The following CADM2 variants were observed in gnomAD, a reference collection of about 807,000 sequenced individuals.
The protein encoded by CADM2 is immunoglobulin superfamily member 4D.
CADM2 carries 12 observed loss-of-function variants against 49.8 expected under a neutral mutation model. The ratio of observed to expected loss-of-function variants is 0.24; its 90% CI spans 0.15 to 0.39. The LOEUF (loss-of-function observed/expected upper bound fraction) is 0.39. Ranked by LOEUF, CADM2 falls within the 10% of genes least tolerant of loss-of-function variation. The probability of loss-of-function intolerance (pLI) is 1.00; values close to 1 mark genes in which losing one functional copy is unlikely to be tolerated. For synonymous variants in CADM2, 214 were observed against 175.4 expected (o/e 1.22, Z -1.74); for missense variants, 378 against 492.3 (o/e 0.77, Z 2.20).
At chr3:85,697,097 GC>G (rs1436788644) in intron 1 of CADM2, among the ~76,000 whole-genome samples, 1 of 122,596 alleles carries the variant, frequency 8.2e-6, no homozygotes, top group South Asian at 2.5e-4. Context: ...ATATATATAT[GC>G]CATATATATA....
intron 1 of CADM2, among the ~76,000 whole-genome samples, chr3:85,269,040 C>A (rs1217629304): frequency 6.6e-6 from 1 of 151,068 alleles, no homozygotes; most frequent in African/African-American, 2.4e-5. Flanking sequence ...AGGACCTCAA[C>A]CTTAATAAAT....
At chr3:85,776,364 C>G (rs999985007) in intron 2 of CADM2, among the ~76,000 whole-genome samples, 3 of 150,826 alleles carry the variant, frequency 2.0e-5, no homozygotes, top group East Asian at 3.9e-4. Context: ...CACACACACA[C>G]AGAGTGAAAG....
At chr3:85,889,717 T>A (rs765746881) in intron 5 of CADM2, among the ~76,000 whole-genome samples, 34 of 152,142 alleles carry the variant, frequency 2.2e-4, no homozygotes, top group Non-Finnish European at 4.7e-4. Context: ...ATTATCATTA[T>A]CATTGTAATT....
At chr3:85,546,717 T>G (rs542470695) in intron 1 of CADM2, among the ~76,000 whole-genome samples, 2 of 152,254 alleles carry the variant, frequency 1.3e-5, no homozygotes, top group Admixed American at 6.5e-5. Flanking sequence ...GTGATTTCCC[T>G]GCTAATATCT....
At chr3:85,872,419 AT>A (rs1293239803) in intron 3 of CADM2, among the ~76,000 whole-genome samples, 2 of 152,014 alleles carry the variant, frequency 1.3e-5, no homozygotes, top group African/African-American at 2.4e-5. Flanking sequence ...CATGTGTCTA[AT>A]TTGATGTATA....
At chr3:85,042,772 GTAT>G (rs1214568678) in intron 1 of CADM2, among the ~76,000 whole-genome samples, 1 of 152,094 alleles carries the variant, frequency 6.6e-6, no homozygotes, top group African/African-American at 2.4e-5. Flanking sequence ...TGTAAGAAAG[GTAT>G]TATAAAATGG....
intron 1 of CADM2, among the ~76,000 whole-genome samples, chr3:85,496,042 T>C (rs1449000605): frequency 6.6e-6 from 1 of 152,184 alleles, no homozygotes; most frequent in Non-Finnish European, 1.5e-5. Context: ...AAAATCTAAA[T>C]TTCTTTAAAT....
Position 86,067,112 on chromosome 3 carries a change from G to A in CADM2, c.*329G>A, listed in dbSNP as rs1207601115. 9.9e-6 allele frequency: 2 copies of A among 202,254 alleles called. No individual in the cohort carries two copies. Among genetic ancestry groups the A allele is most frequent in the East Asian group, 2.5e-4 (2 of 7,912 alleles). 12.5% of individuals were successfully genotyped at this position (202,254 alleles called of 1,614,324 possible). On this transcript the variant is annotated 3_prime_UTR_variant, in exon 10 of 10. Coordinates refer to ENST00000383699, the MANE Select transcript of CADM2 (RefSeq NM_001167675.2). ...GGTTTTTATACATTAAAAAATGTAT[G>A]CAGAGTTTTTTTCCCCCATTTTTTC... is the stretch of plus-strand genomic sequence containing the variant.
chr3:85,187,394 G>A (rs2041090060), intron 1 of CADM2, among the ~76,000 whole-genome samples: 1 of 151,806 alleles, frequency 6.6e-6, no homozygotes, highest in South Asian at 2.1e-4. Flanking sequence ...ATATTCTTGC[G>A]AGTCCTCTGA....
At chr3:85,037,332 G>C (rs534175316) in intron 1 of CADM2, among the ~76,000 whole-genome samples, 18 of 152,150 alleles carry the variant, frequency 1.2e-4, no homozygotes, top group Non-Finnish European at 2.4e-4. Context: ...TTATGCAGTG[G>C]ACATGTAGAT....
At chr3:85,206,810 A>C (rs1349127200) in intron 1 of CADM2, among the ~76,000 whole-genome samples, 1 of 152,070 alleles carries the variant, frequency 6.6e-6, no homozygotes, top group Non-Finnish European at 1.5e-5. Context: ...TTATTAATTT[A>C]CAAACTTAAA....
chr3:85,670,556 C>T (rs1257899647), intron 1 of CADM2, among the ~76,000 whole-genome samples: 1 of 152,060 alleles, frequency 6.6e-6, no homozygotes, highest in Admixed American at 6.6e-5. Context: ...CATAACTCAG[C>T]TTAGATCTAA....
intron 1 of CADM2, among the ~76,000 whole-genome samples, chr3:85,070,174 A>G (rs1469640708): frequency 6.6e-6 from 1 of 152,144 alleles, no homozygotes; most frequent in Non-Finnish European, 1.5e-5. Context: ...GATTTTATCT[A>G]CTGGCACTTT....
intron 1 of CADM2, among the ~76,000 whole-genome samples, chr3:84,968,025 G>A (rs1287066644): frequency 6.6e-6 from 1 of 151,970 alleles, no homozygotes; most frequent in African/African-American, 2.4e-5. Context: ...TTTCTAATAC[G>A]AAATCAGTTC....
intron 1 of CADM2, among the ~76,000 whole-genome samples, chr3:85,294,330 G>T (rs2043892291): frequency 6.6e-6 from 1 of 152,062 alleles, no homozygotes; most frequent in Non-Finnish European, 1.5e-5. Flanking sequence ...CTCATAGGTA[G>T]GAAGAATCAA....
At chr3:85,966,360 C>A (rs892338199) in intron 8 of CADM2, among the ~76,000 whole-genome samples, 1 of 151,408 alleles carries the variant, frequency 6.6e-6, no homozygotes, top group African/African-American at 2.4e-5. Context: ...GTAATATTCC[C>A]CTTTCCTTTT....
At chr3:85,555,561 G>T (rs980089343) in intron 1 of CADM2, among the ~76,000 whole-genome samples, 4 of 151,964 alleles carry the variant, frequency 2.6e-5, no homozygotes, top group Admixed American at 1.3e-4. Flanking sequence ...ATCAAGCAGA[G>T]ATTTGAAATT....
At chr3:86,029,175 C>T (rs530457689) in intron 8 of CADM2, among the ~76,000 whole-genome samples, 2 of 152,256 alleles carry the variant, frequency 1.3e-5, no homozygotes, top group East Asian at 3.9e-4. Flanking sequence ...GTGACACTTA[C>T]CTTGCTGGGC....
At chr3:85,773,103 A>G (rs1047286951) in intron 2 of CADM2, among the ~76,000 whole-genome samples, 3 of 151,992 alleles carry the variant, frequency 2.0e-5, no homozygotes, top group Admixed American at 6.6e-5. Flanking sequence ...CTCTTCCCCA[A>G]AGAAATTCAG....
Sources: gnomAD v4.1 joint callset for allele counts (sites outside exome capture counted in the v4.1 genomes callset) on GRCh38, gnomAD v4.1.1 for gene constraint, MANE v1.5 for transcripts, NCBI Gene and HGNC (gene_info 2026-07-23, HGNC 2026-07-21) for gene names.